Variants in PACRG observed in about 807,000 individuals in gnomAD.
The protein encoded by PACRG is parkin coregulated.
Under a neutral mutation model 29.7 loss-of-function variants are expected in PACRG, and 29 were observed. The ratio of observed to expected loss-of-function variants is 0.98; its 90% CI spans 0.73 to 1.33. PACRG has a LOEUF of 1.33. Ranked by LOEUF, PACRG falls within the 40% of genes most tolerant of loss-of-function variation. PACRG has a pLI of 0.00. For missense variants in PACRG, 279 were observed against 316.2 expected, an observed-to-expected ratio of 0.88 and a Z score of 0.89; for synonymous variants, 116 against 118.7, an observed-to-expected ratio of 0.98 and a Z score of 0.15.
intron 4 of PACRG, among the ~76,000 whole-genome samples, chr6:163,265,767 A>G (rs184858162): frequency 1.1e-4 from 16 of 152,334 alleles, no homozygotes; most frequent in Non-Finnish European, 2.9e-5. Flanking sequence ...TAGCTAGTTG[A>G]CATGTTAATG....
At chr6:162,915,415 A>C (rs2128085493) in intron 2 of PACRG, among the ~76,000 whole-genome samples, 1 of 152,170 alleles carries the variant, frequency 6.6e-6, no homozygotes, top group Non-Finnish European at 1.5e-5. Flanking sequence ...TAGAAATACA[A>C]AATTATTCCT....
chr6:163,186,488 A>G (rs1359679572), intron 4 of PACRG, among the ~76,000 whole-genome samples: 2 of 152,134 alleles, frequency 1.3e-5, no homozygotes, highest in African/African-American at 4.8e-5. Flanking sequence ...TGTCCTCAGC[A>G]TGGGGCCAGT....
chr6:162,813,198 A>C (rs1173533394), intron 1 of PACRG, among the ~76,000 whole-genome samples: 2 of 151,968 alleles, frequency 1.3e-5, no homozygotes, highest in African/African-American at 4.8e-5. Flanking sequence ...ATTAACATAT[A>C]AAATAACTAA....
At chr6:163,235,989 C>T (rs1032659866) in intron 4 of PACRG, among the ~76,000 whole-genome samples, 1 of 151,970 alleles carries the variant, frequency 6.6e-6, no homozygotes, top group African/African-American at 2.4e-5. Context: ...AACTGGCAAA[C>T]TTTCTGCTCT....
At chr6:162,995,712 A>G (rs1803970017) in intron 2 of PACRG, among the ~76,000 whole-genome samples, 1 of 152,100 alleles carries the variant, frequency 6.6e-6, no homozygotes, top group Non-Finnish European at 1.5e-5. Flanking sequence ...TGCGTCGCTC[A>G]CGCTGGGAGC....
intron 1 of PACRG, among the ~76,000 whole-genome samples, chr6:162,758,208 A>G (rs1782078149): frequency 6.6e-6 from 1 of 152,110 alleles, no homozygotes; most frequent in African/African-American, 2.4e-5. Flanking sequence ...TTTACATGTC[A>G]TTATTTTTCT....
intron 1 of PACRG, among the ~76,000 whole-genome samples, chr6:162,805,788 C>A (rs980308262): frequency 1.3e-5 from 2 of 152,202 alleles, no homozygotes; most frequent in Non-Finnish European, 1.5e-5. Flanking sequence ...TAAGAAGCAG[C>A]TCCTCATTAA....
intron 1 of PACRG, among the ~76,000 whole-genome samples, chr6:162,801,167 G>A (rs905060516): frequency 1.3e-5 from 2 of 152,036 alleles, no homozygotes; most frequent in African/African-American, 4.8e-5. Context: ...TGCCCAGGCT[G>A]GGGGATATCT....
At chr6:162,844,752 A>G (rs61193920) in intron 2 of PACRG, among the ~76,000 whole-genome samples, 47,634 of 152,080 alleles carry the variant, frequency 0.31, 10,935 homozygotes, top group African/African-American at 0.64. Context: ...TTCATTTCTT[A>G]TTGATCACAA....
chr6:163,014,385 C>T (rs1257249651), intron 2 of PACRG, among the ~76,000 whole-genome samples: 1 of 152,130 alleles, frequency 6.6e-6, no homozygotes, highest in Non-Finnish European at 1.5e-5. Flanking sequence ...AATGGGATTG[C>T]TTGGTTGAAT....
chr6:163,286,699 C>G (rs1019988637), intron 4 of PACRG, among the ~76,000 whole-genome samples: 12 of 152,304 alleles, frequency 7.9e-5, no homozygotes, highest in African/African-American at 2.4e-4. Context: ...AGGCTCCTTA[C>G]TGAGTTCCAT....
chr6:162,916,530 G>T (rs756163866), intron 2 of PACRG, among the ~76,000 whole-genome samples: 5 of 152,072 alleles, frequency 3.3e-5, no homozygotes, highest in African/African-American at 4.8e-5. Flanking sequence ...ATGTTATGCA[G>T]TACCTTCTGC....
At chr6:163,146,173 T>A (rs1326567378) in intron 4 of PACRG, among the ~76,000 whole-genome samples, 1 of 152,172 alleles carries the variant, frequency 6.6e-6, no homozygotes, top group Non-Finnish European at 1.5e-5. Context: ...TCTTTGTGCA[T>A]GACACACATT....
At chr6:162,935,322 A>G (rs1303586178) in intron 2 of PACRG, among the ~76,000 whole-genome samples, 2 of 151,544 alleles carry the variant, frequency 1.3e-5, no homozygotes, top group Admixed American at 6.6e-5. Context: ...CCCAAAATGC[A>G]AAACTTTTTT....
chr6:162,786,918 A>G (rs959006207), intron 1 of PACRG, among the ~76,000 whole-genome samples: 3 of 152,160 alleles, frequency 2.0e-5, no homozygotes, highest in African/African-American at 7.2e-5. Flanking sequence ...TGTTAATGCA[A>G]AGTAAATCTA....
At chr6:163,282,879 A>G (rs1169281185) in intron 4 of PACRG, among the ~76,000 whole-genome samples, 1 of 152,250 alleles carries the variant, frequency 6.6e-6, no homozygotes, top group Admixed American at 6.5e-5. Flanking sequence ...TTGCTCAATC[A>G]TCAAGCCCTT....
chr6:162,850,219 G>A (rs1790744554), intron 2 of PACRG, among the ~76,000 whole-genome samples: 1 of 152,162 alleles, frequency 6.6e-6, no homozygotes, highest in Non-Finnish European at 1.5e-5. Flanking sequence ...ACTTATTTGT[G>A]TTCATAAAAT....
At chr6:162,867,804 G>C (rs1460480273) in intron 2 of PACRG, among the ~76,000 whole-genome samples, 1 of 152,144 alleles carries the variant, frequency 6.6e-6, no homozygotes, top group East Asian at 1.9e-4. Flanking sequence ...AGCAAGAGAA[G>C]ATGGTTCTCT....
At chr6:162,944,198 A>G (rs1270291444) in intron 2 of PACRG, among the ~76,000 whole-genome samples, 2 of 152,254 alleles carry the variant, frequency 1.3e-5, no homozygotes, top group Non-Finnish European at 2.9e-5. Context: ...TGAGGAAATT[A>G]CAGATACCAC....
Sources: gnomAD v4.1 joint callset for allele counts (sites outside exome capture counted in the v4.1 genomes callset) on GRCh38, gnomAD v4.1.1 for gene constraint, MANE v1.5 for transcripts, NCBI Gene and HGNC (gene_info 2026-07-23, HGNC 2026-07-21) for gene names.